FGD4: variants seen among roughly 807,000 people sequenced by gnomAD.
The protein encoded by FGD4 is FYVE, RhoGEF and PH domain-containing protein 4.
Under a neutral mutation model 102.0 loss-of-function variants are expected in FGD4, and 42 were observed. The observed-to-expected ratio is 0.41, with a 90% CI of 0.32 to 0.53. FGD4 has a LOEUF of 0.53. Ranked by LOEUF, FGD4 falls within the 20% of genes least tolerant of loss-of-function variation. The pLI is 0.21. For synonymous variants in FGD4, 380 were observed against 375.7 expected (o/e 1.01, Z -0.13); for missense variants, 902 against 1,078.2 (o/e 0.84, Z 2.29).
chr12:32,614,408 C>A (rs1477265944), intron 10 of FGD4, among the ~76,000 whole-genome samples: 1 of 152,140 alleles, frequency 6.6e-6, no homozygotes, highest in Non-Finnish European at 1.5e-5. Flanking sequence ...GAGGTCCAGT[C>A]AAGAGCAAAG....
At chr12:32,568,077 G>A (rs1382052093) in intron 2 of FGD4, among the ~76,000 whole-genome samples, 1 of 151,960 alleles carries the variant, frequency 6.6e-6, no homozygotes, top group East Asian at 1.9e-4. Flanking sequence ...TATGGTTTAC[G>A]TTTTTGTGTT....
At chr12:32,438,696 C>G (rs192650516) in intron 1 of FGD4, among the ~76,000 whole-genome samples, 3 of 151,790 alleles carry the variant, frequency 2.0e-5, no homozygotes, top group African/African-American at 4.8e-5. Context: ...ACCTCCACCT[C>G]CCGGGTTCAC....
At chr12:32,563,846 C>T (rs879243080) in intron 1 of FGD4, among the ~76,000 whole-genome samples, 8 of 152,106 alleles carry the variant, frequency 5.3e-5, no homozygotes, top group African/African-American at 1.7e-4. Flanking sequence ...CAAAAAAGTA[C>T]GAAAACCAAT....
chr12:32,610,948 A>G (rs1343367219), intron 9 of FGD4, 114 bp downstream of exon 9: 17 of 1,305,090 alleles, frequency 1.3e-5, no homozygotes, highest in Admixed American at 3.8e-5. Flanking sequence ...GCCAAAAAGA[A>G]TGTTTATGAA....
At chr12:32,623,540 T>G (rs1949974629) in intron 11 of FGD4, among the ~76,000 whole-genome samples, 1 of 152,152 alleles carries the variant, frequency 6.6e-6, no homozygotes, top group Non-Finnish European at 1.5e-5. Flanking sequence ...CATGCATGTT[T>G]CATACCTGTA....
intron 1 of FGD4, chr12:32,486,009 G>A: frequency 2.1e-6 from 3 of 1,412,330 alleles, no homozygotes; most frequent in Non-Finnish European, 2.8e-6. Context: ...AGATGTGTAT[G>A]TGTCTAGTGT....
intron 12 of FGD4, 28 bp downstream of exon 12, chr12:32,624,480 T>C (rs1219372223): frequency 6.4e-7 from 1 of 1,559,810 alleles, no homozygotes; most frequent in South Asian, 1.2e-5. Context: ...TTCCTTTTCT[T>C]TCTTTTTTTT....
At chr12:32,585,222 T>TTATTTATATATA (rs960851781) in intron 4 of FGD4, among the ~76,000 whole-genome samples, 8 of 116,136 alleles carry the variant, frequency 6.9e-5, no homozygotes, top group African/African-American at 2.1e-4. Flanking sequence ...CTCAAAAATT[T>TTATTTATATATA]TATATATATA....
At chr12:32,484,877 A>G (rs1054423597) in intron 1 of FGD4, among the ~76,000 whole-genome samples, 2 of 152,196 alleles carry the variant, frequency 1.3e-5, no homozygotes, top group Admixed American at 6.5e-5. Flanking sequence ...GTCTCAGAAA[A>G]AAAACAAAAT....
intron 1 of FGD4, among the ~76,000 whole-genome samples, chr12:32,561,720 T>C (rs1944609869): frequency 1.3e-5 from 2 of 152,196 alleles, no homozygotes; most frequent in African/African-American, 4.8e-5. Flanking sequence ...ATATGCATAA[T>C]AGAGAACACT....
intron 1 of FGD4, among the ~76,000 whole-genome samples, chr12:32,457,902 T>G (rs1358741958): frequency 3.3e-5 from 5 of 152,208 alleles, no homozygotes; most frequent in Non-Finnish European, 7.3e-5. Flanking sequence ...TGTGGAGTTC[T>G]GCTACTGAAA....
intron 10 of FGD4, among the ~76,000 whole-genome samples, chr12:32,611,522 G>A (rs1357045373): frequency 1.3e-5 from 2 of 152,154 alleles, no homozygotes; most frequent in Admixed American, 6.5e-5. Context: ...CCTGGGAAGT[G>A]AGCTGGTTGT....
chr12:32,562,625 T>C (rs752386321), intron 1 of FGD4, among the ~76,000 whole-genome samples: 11 of 152,310 alleles, frequency 7.2e-5, no homozygotes, highest in South Asian at 2.1e-4. Context: ...TTAACGAGCA[T>C]GCTGCCTTCA....
intron 1 of FGD4, among the ~76,000 whole-genome samples, chr12:32,472,157 G>A (rs1461458541): frequency 2.6e-5 from 4 of 152,306 alleles, no homozygotes; most frequent in South Asian, 2.1e-4. Flanking sequence ...GCTTGCTCTC[G>A]GCACCTCCCC....
chr12:32,565,731 C>T (rs973550093), intron 2 of FGD4, among the ~76,000 whole-genome samples: 31 of 152,130 alleles, frequency 2.0e-4, no homozygotes, highest in African/African-American at 6.5e-4. Context: ...AACACTTAAC[C>T]TTGCTTTTGC....
chr12:32,454,924 G>A (rs376940801), intron 1 of FGD4, among the ~76,000 whole-genome samples: 1 of 152,098 alleles, frequency 6.6e-6, no homozygotes. Flanking sequence ...GAAACATCTG[G>A]TGATCTAAAT....
intron 5 of FGD4, among the ~76,000 whole-genome samples, chr12:32,599,223 G>A (rs1247826077): frequency 4.6e-5 from 7 of 151,658 alleles, no homozygotes; most frequent in Admixed American, 3.9e-4. Context: ...GGCTGGGCGC[G>A]GTGGCTCACG....
In FGD4 at chr12:32,602,279, C is replaced by T. The variant is rs1131691854; in HGVS notation, c.1366C>T (p.Arg456Cys). 6 of 1,613,974 alleles carry T rather than the reference C, an allele frequency of 3.7e-6. No individual in the cohort carries two copies. The South Asian group carries it at 4.4e-5, about 12-fold the overall frequency. ...GGAATTGGTTAAAAACATGACAGAA[C>T]GTATTCCCCAGTTCAAATCAGTGGT... Reference protein sequence around the residue: ...AMELVKNMTERIPQFKSVVEE... With the variant: ...AMELVKNMTECIPQFKSVVEE... The change falls in exon 7 of 17, where the codon CGT (arginine) becomes TGT (cysteine). Residue 456 changes from arginine (R) to cysteine (C), a missense_variant. Arg to Cys is a radical substitution (Grantham distance 180, BLOSUM62 -3). Coordinates refer to ENST00000534526, the MANE Select transcript of FGD4 (RefSeq NM_001370298.3).
At chr12:32,530,676 A>G (rs554636599) in intron 1 of FGD4, among the ~76,000 whole-genome samples, 1 of 152,288 alleles carries the variant, frequency 6.6e-6, no homozygotes, top group African/African-American at 2.4e-5. Flanking sequence ...TTCAAGACTG[A>G]TATCTATGAC....
Sources: allele counts gnomAD v4.1 joint callset (sites outside exome capture counted in the v4.1 genomes callset), GRCh38; gene constraint gnomAD v4.1.1; transcripts MANE v1.5; gene names NCBI Gene and HGNC (gene_info 2026-07-23, HGNC 2026-07-21).